RANBP17: variants seen among roughly 807,000 people sequenced by gnomAD.
RANBP17 encodes ran-binding protein 17.
RANBP17 carries 158 observed loss-of-function variants against 141.2 expected under a neutral mutation model. That is an observed-to-expected ratio of 1.12 (90% CI 0.98 to 1.28). The LOEUF (loss-of-function observed/expected upper bound fraction) is 1.28, where lower values mean the gene tolerates loss of function less well. Among genes scored for constraint, RANBP17 ranks in the 50% most tolerant of loss-of-function variants. The probability of loss-of-function intolerance (pLI) is 0.00; values close to 1 mark genes in which losing one functional copy is unlikely to be tolerated. For missense variants in RANBP17, 1,438 were observed against 1,290.7 expected (o/e 1.11, Z -1.75); for synonymous variants, 430 against 450.0 (o/e 0.96, Z 0.56).
At chr5:171,282,251 A>G (rs1461721577) in intron 25 of RANBP17, among the ~76,000 whole-genome samples, 3 of 152,194 alleles carry the variant, frequency 2.0e-5, no homozygotes, top group Non-Finnish European at 2.9e-5. Flanking sequence ...CTTCCTGACA[A>G]ACAGAACTAT....
chr5:170,983,778 G>A lies in RANBP17; in HGVS notation c.1710+15401G>A, dbSNP rs148150449. Among the ~76,000 whole-genome samples the A allele has an allele frequency of 1.3e-3, 192 of 152,258 alleles. No individual in the cohort carries two copies. In the Middle Eastern group the frequency reaches 0.024, roughly 19 times the overall value. The stretch of plus-strand genomic sequence containing the variant: ...TATGCATGAAAAAATAATGGTAAGC[G>A]TTTGGTGCCCTGAAAACACAGGGGA... On this transcript the variant is annotated intron_variant, in intron 14 of 27. Coordinates refer to ENST00000523189, the MANE Select transcript of RANBP17 (RefSeq NM_022897.5).
chr5:170,910,824 C>A, intron 6 of RANBP17, 145 bp from the exon 7 acceptor site: 1 of 728,810 alleles, frequency 1.4e-6, no homozygotes, highest in Non-Finnish European at 2.2e-6. Flanking sequence ...AAGAAGGTAA[C>A]ATTACTTCCT....
At chr5:171,250,239 C>CTT (rs1765472417) in intron 24 of RANBP17, among the ~76,000 whole-genome samples, 1 of 152,192 alleles carries the variant, frequency 6.6e-6, no homozygotes. Flanking sequence ...CACTAGACTG[C>CTT]AGCCACAAGA....
chr5:171,135,469 C>A (rs948395902), intron 14 of RANBP17, among the ~76,000 whole-genome samples: 1 of 151,806 alleles, frequency 6.6e-6, no homozygotes, highest in African/African-American at 2.4e-5. Flanking sequence ...GGTACCTGAA[C>A]CTATGGGAAT....
intron 14 of RANBP17, among the ~76,000 whole-genome samples, chr5:171,058,148 A>G (rs532252220): frequency 1.3e-5 from 2 of 152,020 alleles, no homozygotes; most frequent in South Asian, 4.1e-4. Flanking sequence ...CCTCACTAAT[A>G]AAATGTATTT....
intron 1 of RANBP17, among the ~76,000 whole-genome samples, chr5:170,873,494 T>A (rs1339199746): frequency 6.6e-6 from 1 of 152,186 alleles, no homozygotes; most frequent in East Asian, 1.9e-4. Context: ...TTTTGGTTGG[T>A]AGGCTATTTT....
chr5:171,050,993 A>T (rs1480009235), intron 14 of RANBP17, among the ~76,000 whole-genome samples: 1 of 152,184 alleles, frequency 6.6e-6, no homozygotes, highest in African/African-American at 2.4e-5. Flanking sequence ...TCAGCATTTT[A>T]AAAATGTTCT....
chr5:170,976,302 T>C (rs1435400379), intron 14 of RANBP17, among the ~76,000 whole-genome samples: 1 of 152,128 alleles, frequency 6.6e-6, no homozygotes, highest in African/African-American at 2.4e-5. Flanking sequence ...ACTTATAATC[T>C]GAAAATCATA....
intron 14 of RANBP17, among the ~76,000 whole-genome samples, chr5:171,081,238 C>A (rs1394317845): frequency 6.6e-6 from 1 of 152,214 alleles, no homozygotes; most frequent in Admixed American, 6.5e-5. Flanking sequence ...TTTTCTTTCT[C>A]CTTTTCCCCC....
intron 14 of RANBP17, among the ~76,000 whole-genome samples, chr5:171,078,828 T>C (rs1165995921): frequency 1.3e-5 from 2 of 152,250 alleles, no homozygotes; most frequent in East Asian, 3.8e-4. Context: ...CACTTGGTCA[T>C]GCAAGAGCTC....
chr5:171,090,521 A>G (rs925058366), intron 14 of RANBP17, among the ~76,000 whole-genome samples: 25 of 152,322 alleles, frequency 1.6e-4, no homozygotes, highest in African/African-American at 5.8e-4. Context: ...CCATTTTCTG[A>G]GAAGAAATTC....
At chr5:171,108,231 G>A (rs1449750441) in intron 14 of RANBP17, among the ~76,000 whole-genome samples, 2 of 152,024 alleles carry the variant, frequency 1.3e-5, no homozygotes, top group Non-Finnish European at 2.9e-5. Flanking sequence ...TTCTTGAGGT[G>A]GGGGAGGGTC....
Position 170,914,216 on chromosome 5 carries a change from A to G in RANBP17, c.810A>G (p.Ser270=), listed in dbSNP as rs1771762929. The part of the protein sequence containing the change: ...TLDLFFNLYH[S]LPPLLSQLAL... ...ATCTTTTCTTCAATTTGTATCATTCACTTCCACCACTACTATCTCAGTTAG... is the reference window on the plus strand; with the variant it reads ...ATCTTTTCTTCAATTTGTATCATTCGCTTCCACCACTACTATCTCAGTTAG... Residue 270 remains serine (S), a synonymous_variant, in exon 8 of 28, where the codon TCA becomes TCG. Transcript: ENST00000523189. The G allele has an allele frequency of 1.4e-5, 22 of 1,608,314 alleles. No individual in the cohort carries two copies. Among genetic ancestry groups the G allele is most frequent in the Non-Finnish European group, 1.8e-5 (21 of 1,175,280 alleles).
At chr5:170,994,114 A>AT (rs1265131048) in intron 14 of RANBP17, among the ~76,000 whole-genome samples, 5 of 151,994 alleles carry the variant, frequency 3.3e-5, no homozygotes, top group African/African-American at 1.2e-4. Flanking sequence ...TAGACCAGGC[A>AT]CTTTCTTTTA....
intron 14 of RANBP17, among the ~76,000 whole-genome samples, chr5:170,991,242 A>G (rs1778487537): frequency 1.3e-5 from 2 of 151,962 alleles, no homozygotes; most frequent in Non-Finnish European, 2.9e-5. Context: ...TGCATCAATT[A>G]TTTTTAATTG....
At position 171,191,636 on chromosome 5, in the gene RANBP17, G is replaced by A. The variant is rs180761063; in HGVS notation, c.2039-8034G>A. Among the ~76,000 whole-genome samples, 1,407 of 151,804 alleles carry A rather than the reference G, an allele frequency of 9.3e-3. 22 individuals carry two copies. Among genetic ancestry groups the A allele is most frequent in the African/African-American group, 0.032 (1,304 of 41,378 alleles). Reference sequence around the variant, plus strand: ...CCGGAGGCGGAGCTTGCAGTGAGCCGAGGTCGCGTCACTGCACTCCAACCT... The same window carrying A: ...CCGGAGGCGGAGCTTGCAGTGAGCCAAGGTCGCGTCACTGCACTCCAACCT... On this transcript the variant is annotated intron_variant, in intron 18 of 27. Transcript: ENST00000523189.
chr5:171,060,271 T>A (rs561923178), intron 14 of RANBP17, among the ~76,000 whole-genome samples: 1 of 127,522 alleles, frequency 7.8e-6, no homozygotes, highest in Non-Finnish European at 1.7e-5. Context: ...TCCCAGTTTT[T>A]GCCCATTCAG....
intron 24 of RANBP17, among the ~76,000 whole-genome samples, chr5:171,250,930 C>G (rs981147531): frequency 1.3e-5 from 2 of 152,162 alleles, no homozygotes; most frequent in African/African-American, 4.8e-5. Flanking sequence ...ATCATCTAGA[C>G]AGGAAGTCAA....
rs1201696531 is a variant in RANBP17 at position 171,205,441 on chromosome 5, T to C, written c.2143-83T>C. ...TTAGCTAATGAATCAAAATCAGATA[T>C]GTGGTCATTATTGCCTGATTATTAC... On this transcript the variant is annotated intron_variant, in intron 19 of 27. Transcript: ENST00000523189. The C allele has an allele frequency of 3.7e-6, 4 of 1,081,638 alleles. No individual in the cohort carries two copies. The African/African-American group carries it at 4.6e-5, about 13-fold the overall frequency. 67.0% of individuals were successfully genotyped at this position (1,081,638 alleles called of 1,614,324 possible). A position where few individuals can be genotyped will look rare whatever the true frequency, so the allele number is the denominator to read the frequency against.
Sources: gnomAD v4.1 joint callset for allele counts (sites outside exome capture counted in the v4.1 genomes callset) on GRCh38, gnomAD v4.1.1 for gene constraint, MANE v1.5 for transcripts, NCBI Gene and HGNC (gene_info 2026-07-23, HGNC 2026-07-21) for gene names.